PARD3B: variants seen among roughly 807,000 people sequenced by gnomAD.
The protein encoded by PARD3B is par-3 family cell polarity regulator beta.
A neutral mutation model predicts 130.2 loss-of-function variants in PARD3B; 103 were observed. That is an observed-to-expected ratio of 0.79 (90% CI 0.67 to 0.93). The LOEUF is 0.93. Ranked by LOEUF, PARD3B falls within the 40% of genes least tolerant of loss-of-function variation. The pLI, the probability that PARD3B is intolerant of heterozygous loss-of-function variation, is 0.00. For synonymous variants in PARD3B, 583 were observed against 553.2 expected, an observed-to-expected ratio of 1.05 and a Z score of -0.76; for missense variants, 1,609 against 1,499.2, an observed-to-expected ratio of 1.07 and a Z score of -1.21.
chr2:204,603,936 T>G (rs1367786646), intron 1 of PARD3B, among the ~76,000 whole-genome samples: 1 of 152,230 alleles, frequency 6.6e-6, no homozygotes, highest in Admixed American at 6.5e-5. Context: ...CAGCTTTCTC[T>G]TTCTAAATCC....
chr2:205,516,351 G>A (rs2050792479), intron 21 of PARD3B, among the ~76,000 whole-genome samples: 1 of 152,138 alleles, frequency 6.6e-6, no homozygotes, highest in Non-Finnish European at 1.5e-5. Flanking sequence ...GCTTTGGCCA[G>A]TATGGCCATT....
intron 4 of PARD3B, among the ~76,000 whole-genome samples, chr2:205,090,161 T>C (rs1461018159): frequency 6.6e-6 from 1 of 152,202 alleles, no homozygotes; most frequent in Non-Finnish European, 1.5e-5. Flanking sequence ...TGGGAGTTCA[T>C]TAAAAGTGTG....
intron 1 of PARD3B, among the ~76,000 whole-genome samples, chr2:204,594,693 T>A (rs978150435): frequency 6.6e-6 from 1 of 152,220 alleles, no homozygotes; most frequent in Non-Finnish European, 1.5e-5. Flanking sequence ...GTGAAAGTCA[T>A]TTTTCTTTTT....
intron 3 of PARD3B, among the ~76,000 whole-genome samples, chr2:205,006,749 C>T (rs1379123498): frequency 1.3e-5 from 2 of 152,104 alleles, no homozygotes; most frequent in Non-Finnish European, 2.9e-5. Context: ...ATATTTTCTC[C>T]AACTCCATGG....
intron 11 of PARD3B, among the ~76,000 whole-genome samples, chr2:205,166,888 T>C (rs893126076): frequency 6.6e-6 from 1 of 152,120 alleles, no homozygotes; most frequent in Admixed American, 6.5e-5. Flanking sequence ...AAGGGCCCCG[T>C]TAGAAGCATG....
intron 10 of PARD3B, among the ~76,000 whole-genome samples, chr2:205,154,626 G>A (rs1230643354): frequency 6.6e-6 from 1 of 152,178 alleles, no homozygotes; most frequent in Non-Finnish European, 1.5e-5. Flanking sequence ...ATTCACAATA[G>A]CAAAGACTTG....
chr2:204,552,124 A>G (rs1472526327), intron 1 of PARD3B, among the ~76,000 whole-genome samples: 1 of 152,200 alleles, frequency 6.6e-6, no homozygotes, highest in Non-Finnish European at 1.5e-5. Flanking sequence ...GGGTTCTGTC[A>G]GCTGCTTTTG....
At position 205,331,782 on chromosome 2, in the gene PARD3B, CAAA is replaced by C. The variant is rs56654511; in HGVS notation, c.2630+30102_2630+30104del. 8.3e-4 allele frequency among the ~76,000 whole-genome samples: 40 copies of C among 48,402 alleles called. 2 individuals carry two copies. The highest frequency in any genetic ancestry group is 3.2e-3 in the African/African-American group (30 of 9,304). 31.8% of individuals were successfully genotyped at this position (48,402 alleles called of 152,430 possible). On this transcript the variant is annotated intron_variant, in intron 18 of 22. Transcript: ENST00000406610. ...TGGGCGACAGAGTGAGACTCCGTCT[CAAA>C]AAAAAAAAAAAAAAAAAAAAGAAGT...
intron 10 of PARD3B, among the ~76,000 whole-genome samples, chr2:205,143,643 T>C (rs1165871234): frequency 6.6e-6 from 1 of 151,780 alleles, no homozygotes; most frequent in Non-Finnish European, 1.5e-5. Flanking sequence ...TGAGGAAGAG[T>C]AATGTGAAAT....
Position 204,545,909 on chromosome 2 carries a change from A to C in PARD3B, c.-91A>C, listed in dbSNP as rs960321375. 2 of 1,378,574 alleles carry C rather than the reference A, an allele frequency of 1.5e-6. No individual in the cohort carries two copies. 85.4% of individuals were successfully genotyped at this position (1,378,574 alleles called of 1,614,324 possible). A position where few individuals can be genotyped will look rare whatever the true frequency, so the allele number is the denominator to read the frequency against. On this transcript the variant is annotated 5_prime_UTR_variant, in exon 1 of 23. Coordinates refer to ENST00000406610, the MANE Select transcript of PARD3B (RefSeq NM_001302769.2). ...AGCGGCGCCCCGGGTCTCTGGGCCC[A>C]CCCGCCCCGGGCGTCCTCCGAGAGT...
rs2053264177 is a variant in PARD3B, at chr2:205,564,836, A to T, written c.3260+11433A>T. On this transcript the variant is annotated intron_variant, in intron 22 of 22. Transcript: ENST00000406610. The surrounding 1 kb of genome is among the most constrained non-coding windows in gnomAD (Gnocchi z 4.6). ...GTACAAATGTGAGAGGGGTTGGTACAAAAACAGCAGCCTCCAGAACGTGTT... is the reference window on the plus strand; with the variant it reads ...GTACAAATGTGAGAGGGGTTGGTACTAAAACAGCAGCCTCCAGAACGTGTT... 6.6e-6 allele frequency among the ~76,000 whole-genome samples: 1 copy of T among 152,216 alleles called. No individual in the cohort carries two copies. Among genetic ancestry groups the T allele is most frequent in the Non-Finnish European group, 1.5e-5 (1 of 68,048 alleles).
intron 16 of PARD3B, among the ~76,000 whole-genome samples, chr2:205,272,683 T>G (rs952272542): frequency 2.6e-5 from 4 of 152,192 alleles, no homozygotes; most frequent in African/African-American, 9.7e-5. Context: ...AACCTCATGT[T>G]TGTGGGATGG....
intron 21 of PARD3B, among the ~76,000 whole-genome samples, chr2:205,513,103 A>G (rs1481021299): frequency 1.3e-5 from 2 of 151,134 alleles, no homozygotes; most frequent in Non-Finnish European, 2.9e-5. Context: ...CAATATGTGT[A>G]TGTGGTTATA....
chr2:204,814,923 T>C (rs901912835), intron 2 of PARD3B, among the ~76,000 whole-genome samples: 4 of 151,964 alleles, frequency 2.6e-5, no homozygotes, highest in African/African-American at 9.7e-5. Flanking sequence ...AAAATTGTAA[T>C]AAGTTCCACT....
At chr2:205,385,253 A>G (rs926898957) in intron 18 of PARD3B, among the ~76,000 whole-genome samples, 1 of 152,144 alleles carries the variant, frequency 6.6e-6, no homozygotes, top group African/African-American at 2.4e-5. Context: ...TACTCACACC[A>G]CATGCCTTTC....
chr2:204,766,996 A>ATTTTTTT (rs1553519518), intron 2 of PARD3B, among the ~76,000 whole-genome samples: 1 of 76,876 alleles, frequency 1.3e-5, no homozygotes, highest in Admixed American at 1.3e-4. Context: ...TTTTTATTTT[A>ATTTTTTT]TTTTTTTATT....
At chr2:204,825,281 TC>T (rs2043524988) in intron 2 of PARD3B, among the ~76,000 whole-genome samples, 1 of 152,124 alleles carries the variant, frequency 6.6e-6, no homozygotes, top group African/African-American at 2.4e-5. Flanking sequence ...AATTATAATG[TC>T]CCCAGGGAGA....
intron 18 of PARD3B, among the ~76,000 whole-genome samples, chr2:205,318,296 G>A (rs1044043106): frequency 6.6e-6 from 1 of 152,124 alleles, no homozygotes. Context: ...TTATGAAAAA[G>A]ATGGACTATA....
chr2:204,884,924 T>C (rs899064604), intron 2 of PARD3B, among the ~76,000 whole-genome samples: 1 of 152,226 alleles, frequency 6.6e-6, no homozygotes, highest in African/African-American at 2.4e-5. Context: ...TTTTGAATGG[T>C]GCTGCAATAA....
Sources: gnomAD v4.1 joint callset for allele counts (sites outside exome capture counted in the v4.1 genomes callset) on GRCh38, gnomAD v4.1.1 for gene constraint, Gnocchi (gnomAD v3.1) non-coding constraint, MANE v1.5 for transcripts, NCBI Gene and HGNC (gene_info 2026-07-23, HGNC 2026-07-21) for gene names.